The following CFAP54 variants were observed in gnomAD, a reference collection of about 807,000 sequenced individuals.
CFAP54 encodes the protein cilia and flagella associated protein 54, also known as cilia- and flagella-associated protein 54.
CFAP54 carries 290 observed loss-of-function variants against 370.4 expected under a neutral mutation model. The ratio of observed to expected loss-of-function variants is 0.78; its 90% confidence interval spans 0.71 to 0.86. CFAP54 has a LOEUF of 0.86. Among genes scored for constraint, CFAP54 ranks in the 40% least tolerant of loss-of-function variants. CFAP54 has a pLI of 0.00. For missense variants in CFAP54, 3,399 were observed against 3,528.7 expected, an observed-to-expected ratio of 0.96 and a Z score of 0.93; for synonymous variants, 1,206 against 1,236.5, an observed-to-expected ratio of 0.98 and a Z score of 0.52.
At chr12:96,571,266 C>T (rs1955914120) in intron 19 of CFAP54, among the ~76,000 whole-genome samples, 1 of 152,140 alleles carries the variant, frequency 6.6e-6, no homozygotes, top group African/African-American at 2.4e-5. Context: ...CTAAGGGAAA[C>T]TATACGCAGA....
At chr12:96,508,852 C>G (rs1955136301) in intron 4 of CFAP54, among the ~76,000 whole-genome samples, 1 of 152,048 alleles carries the variant, frequency 6.6e-6, no homozygotes, top group South Asian at 2.1e-4. Flanking sequence ...CCTGGTTTGC[C>G]TGACCTCTCT....
At chr12:96,501,872 A>G (rs1450733908) in intron 2 of CFAP54, among the ~76,000 whole-genome samples, 2 of 152,238 alleles carry the variant, frequency 1.3e-5, no homozygotes, top group Non-Finnish European at 2.9e-5. Context: ...TAAATGGACC[A>G]TGGGTCTTAG....
chr12:96,575,628 A>T (rs1167705919), intron 19 of CFAP54, among the ~76,000 whole-genome samples: 1 of 152,080 alleles, frequency 6.6e-6, no homozygotes, highest in Non-Finnish European at 1.5e-5. Context: ...GCATCATTGC[A>T]TTGAATCTTC....
chr12:96,720,517 G>A lies in CFAP54; in HGVS notation c.6917G>A (p.Arg2306Gln), dbSNP rs369782784. The A allele has an allele frequency of 1.1e-4, 176 of 1,588,572 alleles. No homozygotes were observed. The highest frequency in any genetic ancestry group is 3.5e-4 in the Admixed American group (20 of 57,610). ...AGELEIVVEA[R>Q]LQLAAVALQR... ...GAGCTGGAGATTGTGGTGGAGGCCC[G>A]GCTTCAGCTGGCTGCAGTTGCTCTG... Residue 2306 changes from arginine to glutamine, a missense_variant, in exon 50 of 68, where the codon CGG (arginine) becomes CAG (glutamine). Around this residue, in one of 3 missense-constraint regions of CFAP54, gnomAD observed 2,796 missense variants for 2,869.7 expected, o/e 0.97. Transcript: ENST00000524981.
intron 43 of CFAP54, among the ~76,000 whole-genome samples, chr12:96,690,436 G>A (rs903992810): frequency 2.6e-5 from 4 of 152,120 alleles, no homozygotes; most frequent in Non-Finnish European, 5.9e-5. Flanking sequence ...AATGAAAAAT[G>A]TGTTTTGTGT....
At chr12:96,742,315 A>T (rs1958060744) in intron 51 of CFAP54, 124 bp from the exon 52 acceptor site, 1 of 631,316 alleles carries the variant, frequency 1.6e-6, no homozygotes. Context: ...ATCATTTCTA[A>T]ATTTAAAATT....
intron 1 of CFAP54, among the ~76,000 whole-genome samples, chr12:96,494,270 C>G (rs891091392): frequency 2.6e-5 from 4 of 151,654 alleles, no homozygotes; most frequent in African/African-American, 9.7e-5. Context: ...TGCATTTATT[C>G]CATTGGGTAG....
chr12:96,740,609 C>T (rs749639067), intron 51 of CFAP54, among the ~76,000 whole-genome samples: 1 of 152,112 alleles, frequency 6.6e-6, no homozygotes, highest in Non-Finnish European at 1.5e-5. Flanking sequence ...CATATAGAAC[C>T]CTTGCTCATT....
intron 67 of CFAP54, among the ~76,000 whole-genome samples, chr12:96,863,861 T>C (rs1020940766): frequency 1.3e-5 from 2 of 152,204 alleles, no homozygotes; most frequent in Non-Finnish European, 2.9e-5. Context: ...TTCTTGAGTG[T>C]TGTTTTGCCT....
At chr12:96,614,469 T>C (rs1246414600) in intron 26 of CFAP54, among the ~76,000 whole-genome samples, 1 of 152,186 alleles carries the variant, frequency 6.6e-6, no homozygotes, top group Non-Finnish European at 1.5e-5. Context: ...AGGGATGCCC[T>C]CTCTCACCAC....
intron 19 of CFAP54, among the ~76,000 whole-genome samples, chr12:96,574,909 C>G (rs2136420219): frequency 6.6e-6 from 1 of 152,116 alleles, no homozygotes; most frequent in Admixed American, 6.5e-5. Flanking sequence ...ATCTGTTTCT[C>G]TCTGTATTTG....
chr12:96,698,759 C>T (rs1406056180), intron 45 of CFAP54, among the ~76,000 whole-genome samples: 1 of 152,080 alleles, frequency 6.6e-6, no homozygotes, highest in Non-Finnish European at 1.5e-5. Flanking sequence ...GCTGTGACTG[C>T]AAGTTGTTCA....
intron 65 of CFAP54, among the ~76,000 whole-genome samples, chr12:96,827,844 AATTATATATAATACATAGTAATAT>A (rs1312271209): frequency 1.8e-5 from 2 of 112,676 alleles, no homozygotes; most frequent in Admixed American, 1.2e-4. Context: ...TATAATATAT[AATTATATATAATACATAGTAATAT>A]ATTATATATA....
chr12:96,502,455 G>T (rs1955041673), intron 2 of CFAP54, among the ~76,000 whole-genome samples: 3 of 148,322 alleles, frequency 2.0e-5, no homozygotes, highest in South Asian at 2.1e-4. Context: ...TTGTTACTTT[G>T]GTTTCTAGGC....
At position 96,752,355 on chromosome 12, in the gene CFAP54, T is replaced by C. The variant is rs1049021537; in HGVS notation, c.7685-1388T>C. Among the ~76,000 whole-genome samples the C allele has an allele frequency of 2.0e-5, 3 of 152,274 alleles. No homozygotes were observed. The East Asian group carries it at 5.8e-4, about 29-fold the overall frequency. ...TTTTAAAGACATGTAATACCCAATATTTCAATCATTTTTTCAGAGGACGCT... is the reference window on the plus strand; with the variant it reads ...TTTTAAAGACATGTAATACCCAATACTTCAATCATTTTTTCAGAGGACGCT... On this transcript the variant is annotated intron_variant, in intron 55 of 67. Transcript: ENST00000524981.
At chr12:96,617,459 G>A (rs1176542243) in intron 26 of CFAP54, among the ~76,000 whole-genome samples, 1 of 152,080 alleles carries the variant, frequency 6.6e-6, no homozygotes, top group East Asian at 1.9e-4. Context: ...TAGACAAGAG[G>A]GATAACTGAA....
intron 66 of CFAP54, among the ~76,000 whole-genome samples, chr12:96,833,008 C>A (rs2061845604): frequency 1.3e-5 from 2 of 152,194 alleles, no homozygotes; most frequent in South Asian, 4.1e-4. Flanking sequence ...ACACCTATTA[C>A]AAATTACCTT....
chr12:96,645,841 A>C (rs1339399807), intron 33 of CFAP54: 6 of 152,330 alleles, frequency 3.9e-5, no homozygotes, highest in South Asian at 2.1e-4. Context: ...CAAAAACAAA[A>C]AATGGGGAAA....
At chr12:96,824,912 CCT>C (rs1229536911) in intron 65 of CFAP54, among the ~76,000 whole-genome samples, 1 of 151,952 alleles carries the variant, frequency 6.6e-6, no homozygotes, top group East Asian at 1.9e-4. Flanking sequence ...TAAAAATTTA[CCT>C]CTCTGGTGAG....
Sources: allele counts gnomAD v4.1 joint callset (sites outside exome capture counted in the v4.1 genomes callset), GRCh38; gene constraint gnomAD v4.1.1; regional missense constraint gnomAD v4.1.1; transcripts MANE v1.5; gene names NCBI Gene and HGNC (gene_info 2026-07-23, HGNC 2026-07-21).